SLCO2B1: variants seen among roughly 807,000 people sequenced by gnomAD.
SLCO2B1 encodes solute carrier organic anion transporter family member 2B1.
Under a neutral mutation model 67.3 loss-of-function variants are expected in SLCO2B1, and 41 were observed. The ratio of observed to expected loss-of-function variants is 0.61; its 90% CI spans 0.47 to 0.79. SLCO2B1 has a LOEUF of 0.79. Ranked by LOEUF, SLCO2B1 falls within the 30% of genes least tolerant of loss-of-function variation. The probability of loss-of-function intolerance (pLI) is 0.00; values close to 1 mark genes in which losing one functional copy is unlikely to be tolerated. For synonymous variants in SLCO2B1, 379 were observed against 381.4 expected (o/e 0.99, Z 0.07); for missense variants, 837 against 920.1 (o/e 0.91, Z 1.17).
chr11:75,159,347 T>C (rs1214598294), intron 1 of SLCO2B1, among the ~76,000 whole-genome samples: 1 of 152,186 alleles, frequency 6.6e-6, no homozygotes, highest in African/African-American at 2.4e-5. Flanking sequence ...AGAGAGGGAC[T>C]GGGTTTTTTA....
intron 7 of SLCO2B1, among the ~76,000 whole-genome samples, chr11:75,181,641 AG>A (rs1285846093): frequency 6.6e-6 from 1 of 152,120 alleles, no homozygotes; most frequent in Non-Finnish European, 1.5e-5. Context: ...GTTCTCACCA[AG>A]GATAGCGCCT....
At chr11:75,168,909 A>G (rs542796607) in intron 4 of SLCO2B1, among the ~76,000 whole-genome samples, 2 of 152,202 alleles carry the variant, frequency 1.3e-5, no homozygotes, top group Non-Finnish European at 2.9e-5. Context: ...CAGCTCAGAA[A>G]GGTGGTGTAG....
At chr11:75,152,557 G>C (rs1157536598) in intron 1 of SLCO2B1, 1 of 152,326 alleles carries the variant, frequency 6.6e-6, no homozygotes, top group Non-Finnish European at 1.5e-5. Context: ...GGTGTGAATG[G>C]GCCATTGACA....
At chr11:75,178,813 T>C (rs1474611783) in intron 7 of SLCO2B1, among the ~76,000 whole-genome samples, 1 of 152,262 alleles carries the variant, frequency 6.6e-6, no homozygotes, top group African/African-American at 2.4e-5. Flanking sequence ...TTCTGCTTTT[T>C]GCTTCTATGA....
intron 8 of SLCO2B1, among the ~76,000 whole-genome samples, chr11:75,188,840 C>G (rs1005855993): frequency 6.6e-6 from 1 of 152,210 alleles, no homozygotes; most frequent in African/African-American, 2.4e-5. Flanking sequence ...TCTCAGAACC[C>G]TCAGGGCTTC....
intron 8 of SLCO2B1, among the ~76,000 whole-genome samples, chr11:75,192,982 G>T (rs1439141250): frequency 6.6e-6 from 1 of 152,172 alleles, no homozygotes; most frequent in Non-Finnish European, 1.5e-5. Flanking sequence ...GGCAGAGGTT[G>T]CAGTGAGCTG....
At chr11:75,174,885 G>A (rs1252611212) in intron 7 of SLCO2B1, among the ~76,000 whole-genome samples, 1 of 152,238 alleles carries the variant, frequency 6.6e-6, no homozygotes, top group Non-Finnish European at 1.5e-5. Context: ...TGCCAGTCAT[G>A]TGACCTTGAG....
rs772797787 is a variant in SLCO2B1 at position 75,193,340 on chromosome 11, C to A, written c.1198C>A (p.Arg400Ser). 6.2e-7 allele frequency: 1 copy of A among 1,614,154 alleles called. No homozygotes were observed. Among genetic ancestry groups the A allele is most frequent in the Non-Finnish European group, 8.5e-7 (1 of 1,180,032 alleles). Residue 400 changes from arginine (R) to serine (S), a missense_variant, in exon 9 of 14, where the codon CGC (arginine) becomes AGC (serine). By Grantham distance (110) the Arg-to-Ser change is moderately radical. Coordinates refer to ENST00000289575, the MANE Select transcript of SLCO2B1 (RefSeq NM_007256.5). The surrounding 1 kb of genome is among the most constrained non-coding windows in gnomAD (Gnocchi z 4.2). ...MATFLPKFLE[R>S]QFSITASYAN... Reference sequence around the variant, plus strand: ...CACCTTCCTGCCCAAGTTCCTGGAGCGCCAGTTTTCCATCACAGCCTCCTA... The same window carrying A: ...CACCTTCCTGCCCAAGTTCCTGGAGAGCCAGTTTTCCATCACAGCCTCCTA...
At chr11:75,175,325 A>C (rs1483159192) in intron 7 of SLCO2B1, among the ~76,000 whole-genome samples, 2 of 152,034 alleles carry the variant, frequency 1.3e-5, no homozygotes, top group African/African-American at 2.4e-5. Flanking sequence ...ACCAATGAGG[A>C]GTTGAATAAA....
At chr11:75,161,888 C>T (rs1949825754) in intron 1 of SLCO2B1, among the ~76,000 whole-genome samples, 1 of 152,068 alleles carries the variant, frequency 6.6e-6, no homozygotes, top group Admixed American at 6.5e-5. Flanking sequence ...GAGTGAGATA[C>T]TGATGGTTAC....
At chr11:75,175,051 T>C (rs1293663500) in intron 7 of SLCO2B1, among the ~76,000 whole-genome samples, 1 of 152,198 alleles carries the variant, frequency 6.6e-6, no homozygotes, top group South Asian at 2.1e-4. Flanking sequence ...TGTGTCTCTA[T>C]GATGCTTTGA....
chr11:75,175,287 A>T (rs1302694804), intron 7 of SLCO2B1, among the ~76,000 whole-genome samples: 1 of 152,150 alleles, frequency 6.6e-6, no homozygotes, highest in Non-Finnish European at 1.5e-5. Context: ...TGCTTGCAGT[A>T]ACGTGGTTGG....
intron 8 of SLCO2B1, among the ~76,000 whole-genome samples, chr11:75,189,788 A>C (rs913124251): frequency 1.3e-5 from 2 of 152,032 alleles, no homozygotes; most frequent in African/African-American, 4.8e-5. Context: ...CTCTAAAAAA[A>C]TAAAAATAAA....
intron 1 of SLCO2B1, among the ~76,000 whole-genome samples, chr11:75,154,050 C>T (rs937819740): frequency 1.3e-5 from 2 of 151,536 alleles, no homozygotes; most frequent in East Asian, 2.0e-4. Flanking sequence ...CTCAGCCTCC[C>T]GAGTAGCTGG....
At chr11:75,188,813 T>C (rs1271475725) in intron 8 of SLCO2B1, among the ~76,000 whole-genome samples, 2 of 152,196 alleles carry the variant, frequency 1.3e-5, no homozygotes, top group African/African-American at 4.8e-5. Flanking sequence ...GCAAAGCCAC[T>C]TCCTTCCCTC....
intron 7 of SLCO2B1, among the ~76,000 whole-genome samples, chr11:75,173,189 A>T (rs1406780723): frequency 6.6e-6 from 1 of 152,150 alleles, no homozygotes; most frequent in Non-Finnish European, 1.5e-5. Flanking sequence ...CTCATCACTT[A>T]AAGTTTTTGT....
chr11:75,180,926 C>T lies in SLCO2B1; in HGVS notation c.973-7210C>T, dbSNP rs145947910. Among the ~76,000 whole-genome samples, 7 of 152,162 alleles carry T rather than the reference C, an allele frequency of 4.6e-5. No homozygotes were observed. The East Asian group carries it at 5.8e-4, about 13-fold the overall frequency. On this transcript the variant is annotated intron_variant, in intron 7 of 13. Transcript: ENST00000289575. ...GGAGCAGGAAAAATATAAATAAGAG[C>T]GAAAGGTTCTCAGAATGAGAGAGAA...
At position 75,206,107 on chromosome 11, in the gene SLCO2B1, T is replaced by A; in HGVS notation, c.*1527T>A. ...TAATAAATATCTGAGCATGTATCTATCAACGCCAAGAATTTCAAAGTCTCC... is the reference window on the plus strand; with the variant it reads ...TAATAAATATCTGAGCATGTATCTAACAACGCCAAGAATTTCAAAGTCTCC... On this transcript the variant is annotated 3_prime_UTR_variant, in exon 14 of 14. Coordinates refer to ENST00000289575, the MANE Select transcript of SLCO2B1 (RefSeq NM_007256.5). 1 of 152,262 alleles carries A rather than the reference T, an allele frequency of 6.6e-6. No individual in the cohort carries two copies. The highest frequency in any genetic ancestry group is 1.9e-4 in the East Asian group (1 of 5,204). The allele number at this position is 152,262 out of a possible 1,614,324, so 9.4% of individuals were successfully genotyped here.
chr11:75,185,929 T>C (rs1321893577), intron 7 of SLCO2B1, among the ~76,000 whole-genome samples: 1 of 152,160 alleles, frequency 6.6e-6, no homozygotes, highest in Non-Finnish European at 1.5e-5. Flanking sequence ...ATGCTTCTGT[T>C]CTCCAGACAT....
Sources: allele counts gnomAD v4.1 joint callset (sites outside exome capture counted in the v4.1 genomes callset), GRCh38; gene constraint gnomAD v4.1.1; non-coding constraint Gnocchi (gnomAD v3.1); transcripts MANE v1.5; gene names NCBI Gene and HGNC (gene_info 2026-07-23, HGNC 2026-07-21).